The following ZMIZ1 variants were observed in gnomAD, a reference collection of about 807,000 sequenced individuals.
ZMIZ1 encodes the protein zinc finger MIZ domain-containing protein 1.
A neutral mutation model predicts 113.9 loss-of-function variants in ZMIZ1; 17 were observed. That is an observed-to-expected ratio of 0.15 (90% CI 0.10 to 0.22). The LOEUF is 0.22. ZMIZ1 is among the 10% of genes least tolerant of loss of function. The pLI is 1.00. For missense variants in ZMIZ1, 1,059 were observed against 1,477.8 expected, an observed-to-expected ratio of 0.72 and a Z score of 4.65; for synonymous variants, 607 against 603.1, an observed-to-expected ratio of 1.01 and a Z score of -0.09.
chr10:79,078,113 T>A (rs899584489), intron 1 of ZMIZ1, among the ~76,000 whole-genome samples: 3 of 152,218 alleles, frequency 2.0e-5, no homozygotes, highest in African/African-American at 7.2e-5. Context: ...CTAGGGCAGC[T>A]TGTTCCCCTT....
Position 79,305,614 on chromosome 10 carries a change from CT to C in ZMIZ1, c.2423+14del, listed in dbSNP as rs1564604263. The C allele has an allele frequency of 6.2e-7, 1 of 1,611,950 alleles. No homozygotes were observed. Among genetic ancestry groups the C allele is most frequent in the Non-Finnish European group, 8.5e-7 (1 of 1,178,196 alleles). On this transcript the variant is annotated intron_variant, in intron 21 of 24. Coordinates refer to ENST00000334512, the MANE Select transcript of ZMIZ1 (RefSeq NM_020338.4). ...ATGCCATCCAACAGTAAGTGGGGCC[CT>C]AGCGAGGGGCAGGGGGTGGGAGGGG...
chr10:79,224,442 C>A (rs1286784621), intron 7 of ZMIZ1, among the ~76,000 whole-genome samples: 1 of 152,148 alleles, frequency 6.6e-6, no homozygotes, highest in Non-Finnish European at 1.5e-5. Context: ...TCCCCGAGAG[C>A]TCCAGGGGAC....
rs185004162 is a variant in ZMIZ1 at position 79,145,164 on chromosome 10, T to C, written c.-131+5387T>C. 3.0e-3 allele frequency among the ~76,000 whole-genome samples: 456 copies of C among 152,064 alleles called. 1 individual carries two copies. Among genetic ancestry groups the C allele is most frequent in the Non-Finnish European group, 5.0e-3 (339 of 67,972 alleles). ...ATCTTCTTTCTGTATCTTCCTTTCT[T>C]CTCTCTATTCCGCTCATGGCCTTGC... On this transcript the variant is annotated intron_variant, in intron 3 of 24. Coordinates refer to ENST00000334512, the MANE Select transcript of ZMIZ1 (RefSeq NM_020338.4).
intron 4 of ZMIZ1, among the ~76,000 whole-genome samples, chr10:79,169,250 A>G (rs1420139618): frequency 2.0e-5 from 3 of 152,104 alleles, no homozygotes; most frequent in African/African-American, 7.2e-5. Flanking sequence ...TTCCCGTCAC[A>G]ACCCCTGACC....
At chr10:79,129,098 A>T (rs1222520309) in intron 2 of ZMIZ1, among the ~76,000 whole-genome samples, 1 of 152,110 alleles carries the variant, frequency 6.6e-6, no homozygotes, top group Non-Finnish European at 1.5e-5. Flanking sequence ...CGTTTGTTTA[A>T]TGGTTTTTAT....
At chr10:79,106,378 T>G (rs1843559874) in intron 1 of ZMIZ1, among the ~76,000 whole-genome samples, 1 of 152,250 alleles carries the variant, frequency 6.6e-6, no homozygotes, top group Non-Finnish European at 1.5e-5. Context: ...ATAGCAATTC[T>G]GAGGCTACAA....
At chr10:79,230,812 G>C (rs1849366090) in intron 7 of ZMIZ1, among the ~76,000 whole-genome samples, 1 of 152,230 alleles carries the variant, frequency 6.6e-6, no homozygotes, top group African/African-American at 2.4e-5. Context: ...TTGAGTGTCA[G>C]GGCCTCTGTG....
rs768328329 is a variant in ZMIZ1, at chr10:79,208,351, G to A, written c.76G>A (p.Ala26Thr). The A allele has an allele frequency of 6.2e-7, 1 of 1,614,046 alleles. No individual in the cohort carries two copies. The highest frequency in any genetic ancestry group is 2.2e-5 in the East Asian group (1 of 44,874). The change falls in exon 6 of 25, where the codon GCC becomes ACC. Residue 26 changes from alanine to threonine, a missense_variant. By Grantham distance (58) the Ala-to-Thr change is moderately conservative. Transcript: ENST00000334512. The part of the protein sequence containing the change: ...QCIKQHLQNP[A>T]NFHNAATELL... ...TTTCCCACAGCACTTACAGAATCCT[G>A]CCAACTTCCACAATGCCGCCACGGA... is the stretch of plus-strand genomic sequence containing the variant.
At chr10:79,104,947 T>TGG (rs3222498) in intron 1 of ZMIZ1, among the ~76,000 whole-genome samples, 3,020 of 134,982 alleles carry the variant, frequency 0.022, 41 homozygotes, top group Middle Eastern at 0.041. Context: ...GTTGTTGTTG[T>TGG]GGGGTGTGTG....
At chr10:79,195,809 C>G (rs1487759105) in intron 4 of ZMIZ1, among the ~76,000 whole-genome samples, 32 of 152,224 alleles carry the variant, frequency 2.1e-4, no homozygotes, top group Admixed American at 2.1e-3. Context: ...AAGAACAGCA[C>G]ATTAACAGCT....
intron 2 of ZMIZ1, 52 bp downstream of exon 2, chr10:79,119,076 A>C (rs1314715126): frequency 6.6e-6 from 1 of 152,392 alleles, no homozygotes. Context: ...GACGTGGGGC[A>C]GACAGGGAGT....
intron 1 of ZMIZ1, among the ~76,000 whole-genome samples, chr10:79,114,281 C>T (rs572206725): frequency 1.3e-5 from 2 of 152,344 alleles, no homozygotes; most frequent in South Asian, 2.1e-4. Flanking sequence ...TAATTTAATA[C>T]GCTCTCTGTA....
chr10:79,307,309 G>T (rs1854774661), intron 22 of ZMIZ1, 96 bp from the exon 23 acceptor site: 3 of 1,291,148 alleles, frequency 2.3e-6, no homozygotes, highest in African/African-American at 2.9e-5. Flanking sequence ...AAGAGGAAAA[G>T]GACTTGGCTT....
chr10:79,198,135 T>C (rs1477190467), intron 4 of ZMIZ1, among the ~76,000 whole-genome samples: 3 of 152,024 alleles, frequency 2.0e-5, no homozygotes, highest in Non-Finnish European at 2.9e-5. Flanking sequence ...GGTGGGCGCC[T>C]GTAGTCCCAG....
At chr10:79,161,800 C>T (rs1269544898) in intron 3 of ZMIZ1, among the ~76,000 whole-genome samples, 1 of 152,244 alleles carries the variant, frequency 6.6e-6, no homozygotes, top group Non-Finnish European at 1.5e-5. Flanking sequence ...GACCTTGAGA[C>T]ATACTTTGAC....
intron 4 of ZMIZ1, among the ~76,000 whole-genome samples, chr10:79,190,628 T>A (rs953144608): frequency 6.6e-6 from 1 of 152,186 alleles, no homozygotes; most frequent in African/African-American, 2.4e-5. Flanking sequence ...AGTACACTCA[T>A]GGGCTCAGGA....
In ZMIZ1 at chr10:79,296,636, A is replaced by G; in HGVS notation, c.1396A>G (p.Met466Val). Residue 466 changes from methionine (M) to valine (V), a missense_variant, in exon 13 of 25, where the codon ATG (methionine) becomes GTG (valine). By Grantham distance (21) the Met-to-Val change is conservative. This residue lies in a region of ZMIZ1 where 239 missense variants were observed against 247.5 expected (regional missense o/e 0.97). Transcript: ENST00000334512. The surrounding 1 kb of genome is among the most constrained non-coding windows in gnomAD (Gnocchi z 4.1). ...SGQYPPPTVN[M>V]GQYYKPEQFN... Reference sequence around the variant, plus strand: ...GCAGTACCCGCCCCCCACGGTCAACATGGGGCAGTATTACAAGGTGAGTCC... The same window carrying G: ...GCAGTACCCGCCCCCCACGGTCAACGTGGGGCAGTATTACAAGGTGAGTCC... 6.4e-7 allele frequency: 1 copy of G among 1,571,632 alleles called. No homozygotes were observed.
intron 1 of ZMIZ1, among the ~76,000 whole-genome samples, chr10:79,081,436 C>T (rs1421607848): frequency 6.6e-6 from 1 of 152,188 alleles, no homozygotes; most frequent in African/African-American, 2.4e-5. Context: ...GAGGCCACAA[C>T]AGTGGCTCAC....
intron 7 of ZMIZ1, among the ~76,000 whole-genome samples, chr10:79,227,526 C>G (rs1289259419): frequency 1.3e-5 from 2 of 152,160 alleles, no homozygotes; most frequent in African/African-American, 2.4e-5. Flanking sequence ...CCATGGTTCT[C>G]TCGTTTGACA....
Sources: allele counts gnomAD v4.1 joint callset (sites outside exome capture counted in the v4.1 genomes callset), GRCh38; gene constraint gnomAD v4.1.1; regional missense constraint gnomAD v4.1.1; non-coding constraint Gnocchi (gnomAD v3.1); transcripts MANE v1.5; gene names NCBI Gene and HGNC (gene_info 2026-07-23, HGNC 2026-07-21).